BRINP2: variants seen among roughly 807,000 people sequenced by gnomAD.
The protein encoded by BRINP2 is BMP/retinoic acid-inducible neural-specific protein 2.
In BRINP2, 21 loss-of-function variants were observed where a neutral mutation model predicts 69.2. The observed-to-expected ratio is 0.30, with a 90% CI of 0.22 to 0.44. The LOEUF is 0.44. Among genes scored for constraint, BRINP2 ranks in the 20% least tolerant of loss-of-function variants. The pLI, the probability that BRINP2 is intolerant of heterozygous loss-of-function variation, is 1.00. For synonymous variants in BRINP2, 380 were observed against 394.1 expected, an observed-to-expected ratio of 0.96 and a Z score of 0.42; for missense variants, 877 against 986.0, an observed-to-expected ratio of 0.89 and a Z score of 1.48.
At chr1:177,176,271 G>A (rs1648083335) in intron 1 of BRINP2, among the ~76,000 whole-genome samples, 1 of 151,998 alleles carries the variant, frequency 6.6e-6, no homozygotes, top group African/African-American at 2.4e-5. Context: ...GCATCATGTG[G>A]GTCTTGAGCA....
intron 1 of BRINP2, among the ~76,000 whole-genome samples, chr1:177,187,251 A>G (rs1648455092): frequency 6.6e-6 from 1 of 152,010 alleles, no homozygotes; most frequent in Non-Finnish European, 1.5e-5. Flanking sequence ...TCACCCTGCC[A>G]CACCTAACAG....
chr1:177,227,201 G>A (rs908829926), intron 1 of BRINP2, among the ~76,000 whole-genome samples: 3 of 152,140 alleles, frequency 2.0e-5, no homozygotes, highest in South Asian at 2.1e-4. Context: ...GGGGATCTTG[G>A]TCATTTGGGA....
At chr1:177,263,273 T>G (rs936886533) in intron 4 of BRINP2, among the ~76,000 whole-genome samples, 83 of 152,234 alleles carry the variant, frequency 5.5e-4, no homozygotes, top group African/African-American at 2.0e-3. Context: ...CCCTGGAACC[T>G]AATTTTATTA....
chr1:177,205,947 C>T (rs1649060099), intron 1 of BRINP2, among the ~76,000 whole-genome samples: 2 of 152,210 alleles, frequency 1.3e-5, no homozygotes, highest in South Asian at 4.1e-4. Context: ...AAAGATACAG[C>T]AGAAATGATG....
intron 1 of BRINP2, among the ~76,000 whole-genome samples, chr1:177,173,100 C>T (rs1426660189): frequency 3.3e-5 from 5 of 152,102 alleles, no homozygotes; most frequent in Non-Finnish European, 5.9e-5. Context: ...GTGTGCTTTC[C>T]CTCCTGACTC....
chr1:177,178,984 T>C (rs1648169451), intron 1 of BRINP2, among the ~76,000 whole-genome samples: 1 of 152,340 alleles, frequency 6.6e-6, no homozygotes, highest in Admixed American at 6.5e-5. Flanking sequence ...TAAACTCATT[T>C]GATCCTATAA....
At chr1:177,237,647 G>A (rs1650070046) in intron 2 of BRINP2, among the ~76,000 whole-genome samples, 1 of 152,236 alleles carries the variant, frequency 6.6e-6, no homozygotes, top group Non-Finnish European at 1.5e-5. Context: ...GCCAAGGGGG[G>A]AAGGGAAGAT....
Position 177,201,868 on chromosome 1 carries a change from CA to C in BRINP2, c.-76-27931del, listed in dbSNP as rs1452676255. Reference sequence around the variant, plus strand: ...GTTGGTAAGCTATTAATTATTGCCTCAATTTCAGAGCCTGTTATTGGTCTAT... The same window carrying C: ...GTTGGTAAGCTATTAATTATTGCCTCATTTCAGAGCCTGTTATTGGTCTAT... On this transcript the variant is annotated intron_variant, in intron 1 of 7. Transcript: ENST00000361539. Among the ~76,000 whole-genome samples, 3 of 152,030 alleles carry C rather than the reference CA, an allele frequency of 2.0e-5. No homozygotes were observed. The East Asian group carries it at 5.8e-4, about 29-fold the overall frequency.
At position 177,280,398 on chromosome 1, in the gene BRINP2, C is replaced by T. The variant is rs1487703248; in HGVS notation, c.1236-14C>T. The T allele has an allele frequency of 6.4e-7, 1 of 1,570,582 alleles. No individual in the cohort carries two copies. Among genetic ancestry groups the T allele is most frequent in the Admixed American group, 1.8e-5 (1 of 54,416 alleles). ...TCTTTTGACTCTTACTTCATTTTAT[C>T]TCTGCTCCCCAAGGTCCTTGTCCTA... On this transcript the variant is annotated splice_polypyrimidine_tract_variant and intron_variant, in intron 7 of 7. Transcript: ENST00000361539.
rs1312445450 is a variant in BRINP2, at chr1:177,280,964, C to T, written c.1788C>T (p.Ser596=). 6.2e-7 allele frequency: 1 copy of T among 1,614,174 alleles called. No homozygotes were observed. The highest frequency in any genetic ancestry group is 1.7e-5 in the Admixed American group (1 of 60,026). The part of the protein sequence containing the change: ...MAIYVNPFGG[S]HSESWFMPVN... ...TCTACGTCAACCCCTTTGGGGGCAG[C>T]CACTCTGAGAGCTGGTTCATGCCTG... Residue 596 remains serine (S), a synonymous_variant, in exon 8 of 8, where the codon AGC becomes AGT. Coordinates refer to ENST00000361539, the MANE Select transcript of BRINP2 (RefSeq NM_021165.4).
At chr1:177,200,280 G>A (rs72720764) in intron 1 of BRINP2, among the ~76,000 whole-genome samples, 2,532 of 82,744 alleles carry the variant, frequency 0.031, 26 homozygotes, top group Middle Eastern at 0.076. Context: ...CAACAGGAGC[G>A]GAAACTCTGT....
intron 1 of BRINP2, among the ~76,000 whole-genome samples, chr1:177,173,250 C>T (rs930057824): frequency 1.3e-5 from 2 of 152,162 alleles, no homozygotes; most frequent in African/African-American, 2.4e-5. Context: ...ATCAGAGCTG[C>T]TGCCTACTCT....
At chr1:177,246,577 G>C (rs150654843) in intron 2 of BRINP2, among the ~76,000 whole-genome samples, 1,631 of 152,328 alleles carry the variant, frequency 0.011, 30 homozygotes, top group African/African-American at 0.038. Flanking sequence ...TAGTCCTTTT[G>C]AGCAATAAAA....
chr1:177,184,776 C>T (rs1049540933), intron 1 of BRINP2, among the ~76,000 whole-genome samples: 1 of 151,576 alleles, frequency 6.6e-6, no homozygotes, highest in African/African-American at 2.4e-5. Flanking sequence ...CCCACCACAC[C>T]CATTTCCATT....
chr1:177,230,819 G>C (rs564364648), intron 2 of BRINP2, among the ~76,000 whole-genome samples: 1 of 152,138 alleles, frequency 6.6e-6, no homozygotes, highest in South Asian at 2.1e-4. Context: ...GCTCCTCCAC[G>C]TGCTCACCTC....
At chr1:177,180,907 G>A (rs1648226610) in intron 1 of BRINP2, among the ~76,000 whole-genome samples, 1 of 152,122 alleles carries the variant, frequency 6.6e-6, no homozygotes, top group African/African-American at 2.4e-5. Flanking sequence ...ACCAATCATT[G>A]TTGTTCTCCC....
rs74558867 is a variant in BRINP2 at position 177,268,831 on chromosome 1, C to G, written c.670-4657C>G. On this transcript the variant is annotated intron_variant, in intron 4 of 7. Coordinates refer to ENST00000361539, the MANE Select transcript of BRINP2 (RefSeq NM_021165.4). ...TACTTGAGAGGTGAAGGCAGACTTA[C>G]ATGGTTTAGTGGGAAACAAACTTAC... is the stretch of plus-strand genomic sequence containing the variant. 4.1e-3 allele frequency among the ~76,000 whole-genome samples: 620 copies of G among 152,282 alleles called. 4 individuals are homozygous for G. The highest frequency in any genetic ancestry group is 0.014 in the African/African-American group (584 of 41,556).
intron 4 of BRINP2, among the ~76,000 whole-genome samples, chr1:177,273,087 A>T (rs907766567): frequency 6.6e-6 from 1 of 152,214 alleles, no homozygotes; most frequent in African/African-American, 2.4e-5. Flanking sequence ...AAAGTCTGTG[A>T]GTACCACATC....
chr1:177,234,446 C>A (rs1475962452), intron 2 of BRINP2, among the ~76,000 whole-genome samples: 2 of 152,184 alleles, frequency 1.3e-5, no homozygotes, highest in East Asian at 3.8e-4. Context: ...TTGAAACAAT[C>A]TAGTGGTAAT....
Sources: gnomAD v4.1 joint callset for allele counts (sites outside exome capture counted in the v4.1 genomes callset) on GRCh38, gnomAD v4.1.1 for gene constraint, MANE v1.5 for transcripts, NCBI Gene and HGNC (gene_info 2026-07-23, HGNC 2026-07-21) for gene names.